PAK5: variants seen among roughly 807,000 people sequenced by gnomAD.
PAK5 encodes serine/threonine-protein kinase PAK 5.
A neutral mutation model predicts 65.9 loss-of-function variants in PAK5; 16 were observed. The observed-to-expected ratio is 0.24, with a 90% CI of 0.16 to 0.37. The LOEUF is 0.37. Among genes scored for constraint, PAK5 ranks in the 10% least tolerant of loss-of-function variants. The pLI, the probability that PAK5 is intolerant of heterozygous loss-of-function variation, is 1.00. For synonymous variants in PAK5, 371 were observed against 354.9 expected (o/e 1.05, Z -0.51); for missense variants, 785 against 903.9 (o/e 0.87, Z 1.69).
intron 1 of PAK5, among the ~76,000 whole-genome samples, chr20:9,824,999 T>C (rs930037866): frequency 1.4e-4 from 21 of 152,174 alleles, no homozygotes; most frequent in Admixed American, 5.9e-4. Flanking sequence ...TATTTTTTAA[T>C]CTAGTCTTTA....
intron 3 of PAK5, among the ~76,000 whole-genome samples, chr20:9,606,229 T>C (rs553490181): frequency 7.4e-4 from 112 of 152,304 alleles, no homozygotes; most frequent in Non-Finnish European, 1.3e-3. Flanking sequence ...TGGCACCTCC[T>C]GCCGCCCTCT....
chr20:9,809,518 A>C lies in PAK5; in HGVS notation c.-162+29244T>G, dbSNP rs564520096. On this transcript the variant is annotated intron_variant, in intron 1 of 9. Coordinates refer to ENST00000353224, the MANE Select transcript of PAK5 (RefSeq NM_177990.4). ...TGATCACACTCAGGCAAATAACTAG[A>C]TTTTTTTCCTCCCATCAGGGACTTA... 3.1e-4 allele frequency among the ~76,000 whole-genome samples: 47 copies of C among 152,084 alleles called. No individual in the cohort carries two copies. In the South Asian group the frequency reaches 9.4e-3, roughly 30 times the overall value.
intron 3 of PAK5, among the ~76,000 whole-genome samples, chr20:9,609,498 A>G (rs1048533799): frequency 3.3e-5 from 5 of 152,292 alleles, no homozygotes; most frequent in Middle Eastern, 3.4e-3. Context: ...GCCGAGATGC[A>G]AACTCTTCCT....
chr20:9,837,170 G>T (rs1049399667), intron 1 of PAK5, among the ~76,000 whole-genome samples: 1 of 152,204 alleles, frequency 6.6e-6, no homozygotes, highest in Admixed American at 6.5e-5. Flanking sequence ...TAAGGCCAGC[G>T]TTACCAAGGA....
intron 1 of PAK5, among the ~76,000 whole-genome samples, chr20:9,837,170 G>A (rs1049399667): frequency 1.3e-5 from 2 of 152,204 alleles, no homozygotes; most frequent in African/African-American, 2.4e-5. Flanking sequence ...TAAGGCCAGC[G>A]TTACCAAGGA....
chr20:9,800,174 C>T (rs989482352), intron 1 of PAK5, among the ~76,000 whole-genome samples: 1 of 152,048 alleles, frequency 6.6e-6, no homozygotes, highest in Admixed American at 6.6e-5. Context: ...TAGCTGAGCA[C>T]TAGAACAACG....
chr20:9,756,060 G>A (rs761041), intron 1 of PAK5, among the ~76,000 whole-genome samples: 106,216 of 152,034 alleles, frequency 0.7, 37,263 homozygotes, highest in East Asian at 0.89. Context: ...GAAGTGTTCA[G>A]TAAGTATTTG....
chr20:9,768,429 A>G (rs1214971552), intron 1 of PAK5, among the ~76,000 whole-genome samples: 1 of 151,924 alleles, frequency 6.6e-6, no homozygotes, highest in Admixed American at 6.6e-5. Context: ...TACTCATGGA[A>G]CAAACCTGTA....
At position 9,718,779 on chromosome 20, in the gene PAK5, T is replaced by A. The variant is rs77944809; in HGVS notation, c.-161-7344A>T. ...TCTTAGAAATATGTCTTCATCACTC[T>A]GCCAATTTTTCTTTGTGTATACTTT... is the stretch of plus-strand genomic sequence containing the variant. On this transcript the variant is annotated intron_variant, in intron 1 of 9. Coordinates refer to ENST00000353224, the MANE Select transcript of PAK5 (RefSeq NM_177990.4). Among the ~76,000 whole-genome samples the A allele has an allele frequency of 3.3e-4, 50 of 152,338 alleles. No homozygotes were observed. The East Asian group carries it at 9.3e-3, about 28-fold the overall frequency.
At chr20:9,582,373 GA>G (rs2045994329) in intron 3 of PAK5, among the ~76,000 whole-genome samples, 1 of 152,170 alleles carries the variant, frequency 6.6e-6, no homozygotes, top group Non-Finnish European at 1.5e-5. Flanking sequence ...GTATTTTGGA[GA>G]ATGTTCCTCC....
rs972200701 is a variant in PAK5, at chr20:9,597,937, G to A, written c.205-17007C>T. On this transcript the variant is annotated intron_variant, in intron 3 of 9. Transcript: ENST00000353224. ...AAACTGCCAACTTGCTGAATTGTGA[G>A]GAACAATAAACAGTTTTTAAAAAAA... is the stretch of plus-strand genomic sequence containing the variant. Among the ~76,000 whole-genome samples the A allele has an allele frequency of 6.6e-5, 10 of 152,304 alleles. No individual in the cohort carries two copies. The South Asian group carries it at 1.9e-3, about 28-fold the overall frequency.
In PAK5 at chr20:9,544,485, A is replaced by T; in HGVS notation, c.1753T>A (p.Ser585Thr). The T allele has an allele frequency of 6.2e-7, 1 of 1,613,944 alleles. No homozygotes were observed. Among genetic ancestry groups the T allele is most frequent in the South Asian group, 1.1e-5 (1 of 91,080 alleles). Residue 585 changes from serine (S) to threonine (T), a missense_variant, in exon 8 of 10, where the codon TCT (serine) becomes ACT (threonine). Physicochemically the swap from Ser to Thr is moderately conservative, Grantham distance 58. Around this residue, in one of 4 missense-constraint regions of PAK5, gnomAD observed 182 missense variants for 273.0 expected, o/e 0.67. Coordinates refer to ENST00000353224, the MANE Select transcript of PAK5 (RefSeq NM_177990.4). ...ACTTGAGCACAGAAACCAAAATCAG[A>T]CAACTTTATCTGAAAAGGAAAGGAA... ...LLTSDGRIKL[S>T]DFGFCAQVSK... is the part of the protein sequence containing the mutation.
chr20:9,655,385 C>T (rs2047253326), intron 2 of PAK5, among the ~76,000 whole-genome samples: 1 of 151,828 alleles, frequency 6.6e-6, no homozygotes, highest in South Asian at 2.1e-4. Flanking sequence ...CATAAGACCA[C>T]TCTAAGTACA....
At chr20:9,676,467 G>C (rs2047573914) in intron 2 of PAK5, among the ~76,000 whole-genome samples, 1 of 152,138 alleles carries the variant, frequency 6.6e-6, no homozygotes, top group African/African-American at 2.4e-5. Flanking sequence ...AAAAATAAGA[G>C]AGAGTTTAGT....
chr20:9,599,851 T>TTGA (rs1182582330), intron 3 of PAK5, among the ~76,000 whole-genome samples: 3 of 152,242 alleles, frequency 2.0e-5, no homozygotes, highest in Admixed American at 1.3e-4. Context: ...GTTTTGCATT[T>TTGA]TGATAAGTCT....
At position 9,580,776 on chromosome 20, in the gene PAK5, G is replaced by A. The variant is rs201131316; in HGVS notation, c.359C>T (p.Ala120Val). 1.1e-4 allele frequency: 177 copies of A among 1,613,848 alleles called. No individual in the cohort carries two copies. Among genetic ancestry groups the A allele is most frequent in the Admixed American group, 1.7e-4 (10 of 59,982 alleles). Residue 120 changes from alanine (A) to valine (V), a missense_variant, in exon 4 of 10, where the codon GCG becomes GTG. Ala to Val is a moderately conservative substitution (Grantham distance 64). Around this residue, in one of 4 missense-constraint regions of PAK5, gnomAD observed 422 missense variants for 413.3 expected, o/e 1.02. Transcript: ENST00000353224. The part of the protein sequence containing the change: ...QGASSHGPGH[A>V]EENGFITFSQ... Reference sequence around the variant, plus strand: ...GAAGGTGATGAAGCCATTTTCTTCCGCGTGGCCTGGACCGTGGCTGGAGGC... The same window carrying A: ...GAAGGTGATGAAGCCATTTTCTTCCACGTGGCCTGGACCGTGGCTGGAGGC...
At chr20:9,547,123 T>C (rs1271204472) in intron 7 of PAK5, among the ~76,000 whole-genome samples, 2 of 152,020 alleles carry the variant, frequency 1.3e-5, no homozygotes, top group African/African-American at 2.4e-5. Flanking sequence ...AAGAAGACCA[T>C]GTGAAGGCAA....
At chr20:9,648,216 A>G (rs997020812) in intron 2 of PAK5, among the ~76,000 whole-genome samples, 2 of 152,180 alleles carry the variant, frequency 1.3e-5, no homozygotes, top group African/African-American at 4.8e-5. Flanking sequence ...CAAAATTAGC[A>G]GTGGGAAAAG....
intron 1 of PAK5, among the ~76,000 whole-genome samples, chr20:9,779,127 T>G (rs186479989): frequency 6.6e-6 from 1 of 152,164 alleles, no homozygotes; most frequent in Non-Finnish European, 1.5e-5. Context: ...GATATGGCTT[T>G]CTTTTACATT....
Sources: gnomAD v4.1 joint callset for allele counts (sites outside exome capture counted in the v4.1 genomes callset) on GRCh38, gnomAD v4.1.1 for gene constraint, gnomAD v4.1.1 regional missense constraint, MANE v1.5 for transcripts, NCBI Gene and HGNC (gene_info 2026-07-23, HGNC 2026-07-21) for gene names.